MIR2052HG: variants seen among roughly 807,000 people sequenced by gnomAD.
MIR2052HG encodes MIR2052 host gene.
chr8:74,633,134 CTCAGTTT>C (rs1203472770), intron 2 of MIR2052HG: 1 of 152,528 alleles, frequency 6.6e-6, no homozygotes, highest in African/African-American at 2.4e-5. Context: ...GTCCTCCCAC[CTCAGTTT>C]TCTGAGTAGC....
At chr8:74,616,962 A>C (rs1328781801) in intron 2 of MIR2052HG, among the ~76,000 whole-genome samples, 17 of 150,938 alleles carry the variant, frequency 1.1e-4, no homozygotes, top group Non-Finnish European at 2.5e-4. Context: ...AAAGAAAAAA[A>C]GATTAAAAAA....
At chr8:74,722,548 T>A (rs929086557) in intron 4 of MIR2052HG, among the ~76,000 whole-genome samples, 1 of 152,202 alleles carries the variant, frequency 6.6e-6, no homozygotes, top group East Asian at 1.9e-4. Context: ...ATAACCTTGC[T>A]TTCTCTTTTT....
chr8:74,711,226 G>T (rs1188100026), intron 4 of MIR2052HG, among the ~76,000 whole-genome samples: 1 of 152,106 alleles, frequency 6.6e-6, no homozygotes, highest in Admixed American at 6.6e-5. Context: ...GGCTCTCTGT[G>T]CATCTGCACT....
At chr8:74,685,133 A>C (rs1809166539) in intron 2 of MIR2052HG, among the ~76,000 whole-genome samples, 1 of 152,160 alleles carries the variant, frequency 6.6e-6, no homozygotes, top group Non-Finnish European at 1.5e-5. Flanking sequence ...GATATTTGAC[A>C]TGCAAGAAGT....
rs185430879 is a variant in MIR2052HG, at chr8:74,606,399, T to A, written n.129-6454T>A. Among the ~76,000 whole-genome samples the A allele has an allele frequency of 2.2e-4, 34 of 152,236 alleles. No individual in the cohort carries two copies. In the East Asian group the frequency reaches 6.4e-3, roughly 29 times the overall value. On this transcript the variant is annotated intron_variant and non_coding_transcript_variant, in intron 1 of 6. Transcript: ENST00000523442. ...AGGTGATTAAAGTAAAGGGAGAGTC[T>A]AAAAACAGGGTTAGTGAAAACAAGG...
rs71565406 is a variant in MIR2052HG at position 74,679,521 on chromosome 8, CTATTATTATTAT to C, written n.217-22826_217-22815del. On this transcript the variant is annotated intron_variant and non_coding_transcript_variant, in intron 2 of 6. Transcript: ENST00000523442. ...GGTTGATAGGCATTTGGCTTGTTTACTATTATTATTATTATTATTATTATTATTATTATTATT... is the reference window on the plus strand; with the variant it reads ...GGTTGATAGGCATTTGGCTTGTTTACTATTATTATTATTATTATTATTATT... Among the ~76,000 whole-genome samples the C allele has an allele frequency of 7.1e-3, 1,011 of 142,002 alleles. 7 individuals are homozygous for C. The highest frequency in any genetic ancestry group is 0.02 in the African/African-American group (755 of 37,774). The allele number at this position is 142,002 out of a possible 152,430, so 93.2% of individuals were successfully genotyped here. A position where few individuals can be genotyped will look rare whatever the true frequency, so the allele number is the denominator to read the frequency against.
At chr8:74,688,847 A>C (rs1586914426) in intron 2 of MIR2052HG, among the ~76,000 whole-genome samples, 2 of 152,102 alleles carry the variant, frequency 1.3e-5, no homozygotes, top group African/African-American at 4.8e-5. Context: ...AAAGTTCATT[A>C]TATCATTTTT....
Position 74,712,695 on chromosome 8 carries a change from TC to T in MIR2052HG, n.371+9014del, listed in dbSNP as rs1161890938. ...TCAGATTCAAGACTCTTTAGCTTTT[TC>T]TGCCTTTTTTTTTTTTTTATAAATC... On this transcript the variant is annotated intron_variant and non_coding_transcript_variant, in intron 4 of 6. Coordinates refer to ENST00000523442, the Ensembl canonical transcript of MIR2052HG. Among the ~76,000 whole-genome samples, 6 of 120,822 alleles carry T rather than the reference TC, an allele frequency of 5.0e-5. No homozygotes were observed. In the East Asian group the frequency reaches 1.6e-3, roughly 32 times the overall value. 79.3% of individuals were successfully genotyped at this position (120,822 alleles called of 152,430 possible).
At chr8:74,740,679 A>C (rs934773531) in intron 4 of MIR2052HG, among the ~76,000 whole-genome samples, 1 of 152,334 alleles carries the variant, frequency 6.6e-6, no homozygotes, top group Admixed American at 6.5e-5. Context: ...TATTAAGTAC[A>C]TGATATTGTT....
intron 2 of MIR2052HG, among the ~76,000 whole-genome samples, chr8:74,613,503 G>C (rs931474373): frequency 6.6e-6 from 1 of 151,556 alleles, no homozygotes; most frequent in African/African-American, 2.4e-5. Context: ...TTTTTCACCC[G>C]AGACAGAGTC....
intron 4 of MIR2052HG, among the ~76,000 whole-genome samples, chr8:74,728,023 C>T (rs1586925044): frequency 1.3e-5 from 2 of 152,202 alleles, no homozygotes; most frequent in East Asian, 1.9e-4. Flanking sequence ...CCTACATACT[C>T]TCAATTACAG....
intron 2 of MIR2052HG, among the ~76,000 whole-genome samples, chr8:74,630,569 A>C (rs1409657729): frequency 6.6e-6 from 1 of 152,164 alleles, no homozygotes; most frequent in Admixed American, 6.6e-5. Flanking sequence ...CCAGCTTAAA[A>C]AACTTTGATG....
intron 2 of MIR2052HG, among the ~76,000 whole-genome samples, chr8:74,619,418 C>T (rs2128732441): frequency 6.6e-6 from 1 of 152,260 alleles, no homozygotes; most frequent in East Asian, 1.9e-4. Flanking sequence ...CAAAAACAGA[C>T]TCATAGACCA....
At chr8:74,655,915 G>A (rs1234811013) in intron 2 of MIR2052HG, among the ~76,000 whole-genome samples, 1 of 152,162 alleles carries the variant, frequency 6.6e-6, no homozygotes, top group Non-Finnish European at 1.5e-5. Context: ...AAAGCAACAG[G>A]GGCAGAGCTG....
intron 2 of MIR2052HG, among the ~76,000 whole-genome samples, chr8:74,699,929 T>C (rs1164753515): frequency 6.6e-6 from 1 of 152,148 alleles, no homozygotes; most frequent in East Asian, 1.9e-4. Flanking sequence ...CTAACTATAG[T>C]TGTGGAATAT....
intron 4 of MIR2052HG, among the ~76,000 whole-genome samples, chr8:74,743,008 G>A (rs558843722): frequency 1.1e-4 from 16 of 151,842 alleles, no homozygotes; most frequent in African/African-American, 3.9e-4. Flanking sequence ...TGGAGAGGGA[G>A]GAAGTTTCCC....
intron 2 of MIR2052HG, among the ~76,000 whole-genome samples, chr8:74,615,380 G>A (rs1485072241): frequency 1.3e-5 from 2 of 152,186 alleles, no homozygotes; most frequent in African/African-American, 4.8e-5. Context: ...CAGAAGCTGA[G>A]TCCACTGTGC....
chr8:74,704,519 T>C (rs4504602), intron 4 of MIR2052HG, among the ~76,000 whole-genome samples: 1 of 152,040 alleles, frequency 6.6e-6, no homozygotes, highest in East Asian at 1.9e-4. Context: ...ATTCCTCCTA[T>C]CCTCAGCCCT....
chr8:74,668,462 G>C (rs1808955985), intron 2 of MIR2052HG, among the ~76,000 whole-genome samples: 1 of 152,140 alleles, frequency 6.6e-6, no homozygotes. Flanking sequence ...GTTACAGAAG[G>C]GAGGAACTAG....
Sources: allele counts gnomAD v4.1 joint callset (sites outside exome capture counted in the v4.1 genomes callset), GRCh38; gene constraint gnomAD v4.1.1; transcripts MANE v1.5; gene names NCBI Gene and HGNC (gene_info 2026-07-23, HGNC 2026-07-21).